The following HERPUD2 variants were observed in gnomAD, a reference collection of about 807,000 sequenced individuals.
The protein encoded by HERPUD2 is homocysteine-responsive endoplasmic reticulum-resident ubiquitin-like domain member 2 protein.
In HERPUD2, 13 loss-of-function variants were observed where a neutral mutation model predicts 49.9. That is an observed-to-expected ratio of 0.26 (90% confidence interval 0.17 to 0.41). The LOEUF (loss-of-function observed/expected upper bound fraction) is 0.41. Ranked by LOEUF, HERPUD2 falls within the 10% of genes least tolerant of loss-of-function variation. The pLI is 1.00. For synonymous variants in HERPUD2, 172 were observed against 171.4 expected (o/e 1.00, Z -0.03); for missense variants, 449 against 492.2 (o/e 0.91, Z 0.83).
intron 6 of HERPUD2, among the ~76,000 whole-genome samples, chr7:35,636,271 T>C (rs778908403): frequency 1.9e-4 from 29 of 152,212 alleles, no homozygotes; most frequent in Admixed American, 1.9e-3. Context: ...TAAATTTTTC[T>C]ACAATAAGAA....
intron 2 of HERPUD2, among the ~76,000 whole-genome samples, chr7:35,674,379 C>CTA (rs1232272764): frequency 0.013 from 560 of 42,502 alleles, 55 homozygotes; most frequent in African/African-American, 0.025. Flanking sequence ...GTCTTACAAC[C>CTA]TATATATATA....
Position 35,634,425 on chromosome 7 carries a change from G to C in HERPUD2, c.946C>G (p.Gln316Glu). Reference protein sequence around the residue: ...MGAMLLVYLHQAGWFPFRQEG... With the variant: ...MGAMLLVYLHEAGWFPFRQEG... The stretch of plus-strand genomic sequence containing the variant: ...TGCCTAAAAGGAAACCATCCAGCTT[G>C]GTGTCTGTTCAGTAAAATAAAGAGA... Residue 316 changes from glutamine (Q) to glutamate (E), a missense_variant, in exon 8 of 9, where the codon CAA becomes GAA. Gln to Glu is a conservative substitution (Grantham distance 29). Transcript: ENST00000311350. 1 of 1,597,472 alleles carries C rather than the reference G, an allele frequency of 6.3e-7. No homozygotes were observed. The highest frequency in any genetic ancestry group is 8.6e-7 in the Non-Finnish European group (1 of 1,164,974).
intron 5 of HERPUD2, among the ~76,000 whole-genome samples, chr7:35,647,170 G>A (rs1439343245): frequency 3.3e-5 from 5 of 152,112 alleles, no homozygotes; most frequent in Non-Finnish European, 5.9e-5. Context: ...CTCCATACAA[G>A]CGACCAAGCA....
chr7:35,681,530 T>C (rs940819135), intron 2 of HERPUD2, among the ~76,000 whole-genome samples: 20 of 152,186 alleles, frequency 1.3e-4, no homozygotes, highest in African/African-American at 4.6e-4. Flanking sequence ...AGAATGTTCA[T>C]AGCATAATTA....
At chr7:35,647,388 G>A (rs1469995729) in intron 5 of HERPUD2, among the ~76,000 whole-genome samples, 2 of 152,130 alleles carry the variant, frequency 1.3e-5, no homozygotes, top group Non-Finnish European at 2.9e-5. Flanking sequence ...TCAGCAGATG[G>A]TAATTCATTT....
At chr7:35,662,607 G>C (rs1000344036) in intron 5 of HERPUD2, among the ~76,000 whole-genome samples, 5 of 152,128 alleles carry the variant, frequency 3.3e-5, no homozygotes, top group Non-Finnish European at 4.4e-5. Flanking sequence ...TCTTGGGAGG[G>C]TGTATGTGTC....
chr7:35,643,431 G>A (rs772699890), intron 5 of HERPUD2, among the ~76,000 whole-genome samples: 1 of 152,182 alleles, frequency 6.6e-6, no homozygotes, highest in East Asian at 1.9e-4. Flanking sequence ...CACAGTTTAT[G>A]CACTGAATGA....
chr7:35,667,444 C>T lies in HERPUD2; in HGVS notation c.484G>A (p.Val162Ile). 6.2e-7 allele frequency: 1 copy of T among 1,612,902 alleles called. No individual in the cohort carries two copies. The highest frequency in any genetic ancestry group is 8.5e-7 in the Non-Finnish European group (1 of 1,179,052). Residue 162 changes from valine to isoleucine, a missense_variant, in exon 5 of 9, where the codon GTA (valine) becomes ATA (isoleucine). Transcript: ENST00000311350. The part of the protein sequence containing the change: ...DQAQSHQFPY[V>I]MQGNVDNQFP... ...CACAATTTCACTTACCCTTGCATTA[C>T]ATATGGAAACTGGTGACTCTGTGCT...
rs1785924457 is a variant in HERPUD2 at position 35,682,345 on chromosome 7, G to A, written c.148-9067C>T. Reference sequence around the variant, plus strand: ...TACACACGTGTGTGTGTGTGTGTGTGTGTGTGTGTGTGTATATATATATAT... The same window carrying A: ...TACACACGTGTGTGTGTGTGTGTGTATGTGTGTGTGTGTATATATATATAT... On this transcript the variant is annotated intron_variant, in intron 2 of 8. Coordinates refer to ENST00000311350, the MANE Select transcript of HERPUD2 (RefSeq NM_022373.5). 1.4e-3 allele frequency among the ~76,000 whole-genome samples: 39 copies of A among 28,234 alleles called. 4 individuals are homozygous for A. Among genetic ancestry groups the A allele is most frequent in the Non-Finnish European group, 1.5e-3 (19 of 13,024 alleles). The allele number at this position is 28,234 out of a possible 152,430, so 18.5% of individuals were successfully genotyped here. A position where few individuals can be genotyped will look rare whatever the true frequency, so the allele number is the denominator to read the frequency against.
chr7:35,649,311 TTA>T (rs1370184601), intron 5 of HERPUD2, among the ~76,000 whole-genome samples: 1 of 152,070 alleles, frequency 6.6e-6, no homozygotes. Context: ...CCAAGCTGTA[TTA>T]TGTTTTTTTT....
intron 5 of HERPUD2, among the ~76,000 whole-genome samples, chr7:35,663,463 C>T (rs1245256416): frequency 1.3e-5 from 2 of 152,058 alleles, no homozygotes; most frequent in African/African-American, 2.4e-5. Context: ...TCCTTATTAA[C>T]TTTCTGTCTC....
intron 2 of HERPUD2, among the ~76,000 whole-genome samples, chr7:35,691,882 C>T (rs1312368982): frequency 3.3e-5 from 5 of 152,104 alleles, no homozygotes; most frequent in Non-Finnish European, 5.9e-5. Flanking sequence ...TCAATTCTCA[C>T]GTGATAAGAA....
intron 5 of HERPUD2, among the ~76,000 whole-genome samples, chr7:35,664,782 G>A (rs1785502186): frequency 6.6e-6 from 1 of 152,160 alleles, no homozygotes; most frequent in African/African-American, 2.4e-5. Flanking sequence ...ATTCTCGTTA[G>A]CCATTTGTCT....
At chr7:35,656,531 A>G (rs1205254663) in intron 5 of HERPUD2, among the ~76,000 whole-genome samples, 1 of 152,200 alleles carries the variant, frequency 6.6e-6, no homozygotes, top group Non-Finnish European at 1.5e-5. Flanking sequence ...AAAAGAACAA[A>G]GCTGGAGGCA....
intron 2 of HERPUD2, among the ~76,000 whole-genome samples, chr7:35,680,683 T>C (rs1029524688): frequency 3.3e-5 from 5 of 152,250 alleles, no homozygotes; most frequent in Non-Finnish European, 7.3e-5. Flanking sequence ...TAATCACCTT[T>C]TAGATTTCAG....
chr7:35,667,493 G>C lies in HERPUD2; in HGVS notation c.435C>G (p.Thr145=), dbSNP rs748147428. ...GSSSEGLRQR[T]LPQAQTDQAQ... ...CTTGGTCAGTTTGTGCTTGTGGAAG[G>C]GTACGCTGCCTCAATCCTTCTGAGG... Residue 145 remains threonine, a synonymous_variant, in exon 5 of 9, where the codon ACC becomes ACG. Coordinates refer to ENST00000311350, the MANE Select transcript of HERPUD2 (RefSeq NM_022373.5). The C allele has an allele frequency of 5.0e-6, 8 of 1,613,746 alleles. No individual in the cohort carries two copies. The highest frequency in any genetic ancestry group is 1.7e-5 in the Admixed American group (1 of 59,998).
chr7:35,694,180 T>A lies in HERPUD2; in HGVS notation c.147+4A>T. ...GCAGCTGCCCCCAGCTTTTACACAC[T>A]TACTGGTTTGCTAGGGTAAACGTTA... is the stretch of plus-strand genomic sequence containing the variant. On this transcript the variant is annotated splice_donor_region_variant and intron_variant, in intron 2 of 8. Coordinates refer to ENST00000311350, the MANE Select transcript of HERPUD2 (RefSeq NM_022373.5). 1 of 1,614,124 alleles carries A rather than the reference T, an allele frequency of 6.2e-7. No individual in the cohort carries two copies. Among genetic ancestry groups the A allele is most frequent in the Non-Finnish European group, 8.5e-7 (1 of 1,179,990 alleles).
rs191705096 is a variant in HERPUD2, at chr7:35,649,502, C to A, written c.495-11030G>T. ...AGTGACCGATGGTCTGTGACACAGCCCTCAGGAGATCCTGAGAACATGTGC... is the reference window on the plus strand; with the variant it reads ...AGTGACCGATGGTCTGTGACACAGCACTCAGGAGATCCTGAGAACATGTGC... On this transcript the variant is annotated intron_variant, in intron 5 of 8. Transcript: ENST00000311350. Among the ~76,000 whole-genome samples, 335 of 152,070 alleles carry A rather than the reference C, an allele frequency of 2.2e-3. 4 individuals carry two copies. The highest frequency in any genetic ancestry group is 7.6e-3 in the African/African-American group (315 of 41,466).
At chr7:35,670,687 C>T (rs1473894371) in intron 3 of HERPUD2, among the ~76,000 whole-genome samples, 1 of 152,048 alleles carries the variant, frequency 6.6e-6, no homozygotes, top group Non-Finnish European at 1.5e-5. Context: ...TACATATTTC[C>T]ATCACTTGAG....
Sources: allele counts gnomAD v4.1 joint callset (sites outside exome capture counted in the v4.1 genomes callset), GRCh38; gene constraint gnomAD v4.1.1; transcripts MANE v1.5; gene names NCBI Gene and HGNC (gene_info 2026-07-23, HGNC 2026-07-21).